RAPGEF6: variants seen among roughly 807,000 people sequenced by gnomAD.
RAPGEF6 encodes Rap guanine nucleotide exchange factor 6.
In RAPGEF6, 56 loss-of-function variants were observed where a neutral mutation model predicts 171.4. That is an observed-to-expected ratio of 0.33 (90% CI 0.26 to 0.41). RAPGEF6 has a LOEUF of 0.41. Among genes scored for constraint, RAPGEF6 ranks in the 10% least tolerant of loss-of-function variants. The probability of loss-of-function intolerance (pLI) is 1.00; values close to 1 mark genes in which losing one functional copy is unlikely to be tolerated. For missense variants in RAPGEF6, 1,674 were observed against 1,921.4 expected (o/e 0.87, Z 2.41); for synonymous variants, 692 against 650.1 (o/e 1.06, Z -0.98).
At chr5:131,545,894 G>T (rs1760491926) in intron 6 of RAPGEF6, among the ~76,000 whole-genome samples, 1 of 147,908 alleles carries the variant, frequency 6.8e-6, no homozygotes, top group Non-Finnish European at 1.5e-5. Flanking sequence ...GGATCACCAT[G>T]TAACACTAGG....
At chr5:131,507,548 C>A (rs1757448444) in intron 9 of RAPGEF6, among the ~76,000 whole-genome samples, 1 of 152,202 alleles carries the variant, frequency 6.6e-6, no homozygotes, top group African/African-American at 2.4e-5. Context: ...TTCCTCCACC[C>A]ATCCACAAGC....
At chr5:131,440,675 T>C (rs1292394073) in intron 23 of RAPGEF6, among the ~76,000 whole-genome samples, 2 of 142,390 alleles carry the variant, frequency 1.4e-5, no homozygotes, top group Non-Finnish European at 3.0e-5. Context: ...GAAACGGAGG[T>C]TTCAGTGAGC....
chr5:131,622,940 C>A (rs773939516), intron 1 of RAPGEF6, among the ~76,000 whole-genome samples: 1 of 152,166 alleles, frequency 6.6e-6, no homozygotes, highest in Non-Finnish European at 1.5e-5. Flanking sequence ...TGCAAGTGTA[C>A]ATTTGAAGAC....
At chr5:131,597,521 T>C (rs1463770345) in intron 3 of RAPGEF6, among the ~76,000 whole-genome samples, 2 of 152,112 alleles carry the variant, frequency 1.3e-5, no homozygotes, top group Non-Finnish European at 2.9e-5. Context: ...CATTCAGCCA[T>C]GAAAAGAATG....
At chr5:131,474,542 C>T (rs1390178754) in intron 16 of RAPGEF6, among the ~76,000 whole-genome samples, 1 of 151,974 alleles carries the variant, frequency 6.6e-6, no homozygotes, top group East Asian at 1.9e-4. Context: ...GAGGCAGGTC[C>T]GAGTAAAGGT....
chr5:131,561,303 T>A (rs1213856433), intron 5 of RAPGEF6, among the ~76,000 whole-genome samples: 7 of 152,280 alleles, frequency 4.6e-5, no homozygotes, highest in African/African-American at 1.7e-4. Context: ...TTCTCTCTAG[T>A]CTAGGGCACA....
At chr5:131,476,342 C>T (rs747888484) in intron 16 of RAPGEF6, among the ~76,000 whole-genome samples, 47 of 152,164 alleles carry the variant, frequency 3.1e-4, no homozygotes, top group Non-Finnish European at 6.3e-4. Context: ...TCCCAGCACT[C>T]TGTGAGGCTG....
At chr5:131,539,959 T>C (rs973232514) in intron 6 of RAPGEF6, among the ~76,000 whole-genome samples, 8 of 152,166 alleles carry the variant, frequency 5.3e-5, no homozygotes, top group African/African-American at 1.9e-4. Flanking sequence ...GGAAAGAAAA[T>C]ACATAAAGAT....
intron 23 of RAPGEF6, chr5:131,440,257 A>C (rs1452196551): frequency 2.2e-6 from 1 of 456,292 alleles, no homozygotes; most frequent in Middle Eastern, 3.3e-4. Context: ...CAACAGAAAA[A>C]ATCATGAATG....
At chr5:131,617,331 T>G (rs1765330755) in intron 1 of RAPGEF6, among the ~76,000 whole-genome samples, 1 of 152,204 alleles carries the variant, frequency 6.6e-6, no homozygotes, top group Non-Finnish European at 1.5e-5. Flanking sequence ...ATTTGGACTC[T>G]GGAGACAACC....
In RAPGEF6 at chr5:131,479,684, T is replaced by G; in HGVS notation, c.1910A>C (p.Glu637Ala). Residue 637 changes from glutamate to alanine, a missense_variant, in exon 16 of 28, where the codon GAA becomes GCA. By Grantham distance (107) the Glu-to-Ala change is moderately radical (BLOSUM62 -1). Transcript: ENST00000509018. ...GATAGAATGGCGATTACTTTTTTTT[T>G]CAGCAATTTTGGGAATATGAGGAAC... Reference protein sequence around the residue: ...SGVPHIPKIAEKKSNRHSIQH... With the variant: ...SGVPHIPKIAAKKSNRHSIQH... 1 of 1,614,068 alleles carries G rather than the reference T, an allele frequency of 6.2e-7. No individual in the cohort carries two copies. The highest frequency in any genetic ancestry group is 8.5e-7 in the Non-Finnish European group (1 of 1,179,974).
Position 131,430,894 on chromosome 5 carries a change from T to C in RAPGEF6, c.4430A>G (p.Lys1477Arg), listed in dbSNP as rs756171582. 6.2e-7 allele frequency: 1 copy of C among 1,608,484 alleles called. No homozygotes were observed. The highest frequency in any genetic ancestry group is 8.5e-7 in the Non-Finnish European group (1 of 1,178,244). Residue 1477 changes from lysine to arginine, a missense_variant, in exon 26 of 28, where the codon AAA (lysine) becomes AGA (arginine). By Grantham distance (26) the Lys-to-Arg change is conservative. This residue lies in a region of RAPGEF6 where 552 missense variants were observed against 574.2 expected (regional missense o/e 0.96). Coordinates refer to ENST00000509018, the MANE Select transcript of RAPGEF6 (RefSeq NM_016340.6). Reference protein sequence around the residue: ...DPKDATDPVYKTVTSSTEKGL... With the variant: ...DPKDATDPVYRTVTSSTEKGL... ...CTTTTCTGTACTTGAAGTGACAGTT[T>C]TATAAACTGGGTCAGTGGCATCCTT...
At chr5:131,530,383 C>A (rs1261048758) in intron 6 of RAPGEF6, among the ~76,000 whole-genome samples, 2 of 151,952 alleles carry the variant, frequency 1.3e-5, no homozygotes, top group African/African-American at 2.4e-5. Flanking sequence ...CTTCCCCAAC[C>A]CCCAGTAGAA....
intron 5 of RAPGEF6, among the ~76,000 whole-genome samples, chr5:131,559,946 C>T (rs905032666): frequency 6.6e-6 from 1 of 151,570 alleles, no homozygotes; most frequent in Non-Finnish European, 1.5e-5. Context: ...TGTTCAGTAA[C>T]AGACACTTCC....
chr5:131,541,585 G>C (rs1343314045), intron 6 of RAPGEF6, among the ~76,000 whole-genome samples: 1 of 150,286 alleles, frequency 6.7e-6, no homozygotes, highest in African/African-American at 2.5e-5. Context: ...TCAAACTCCT[G>C]GCTTCAGGTG....
chr5:131,620,692 G>A (rs1765546659), intron 1 of RAPGEF6, among the ~76,000 whole-genome samples: 1 of 151,832 alleles, frequency 6.6e-6, no homozygotes, highest in African/African-American at 2.4e-5. Flanking sequence ...CCAGGTTCAA[G>A]CAATTCTCAC....
At chr5:131,477,713 C>T (rs529968737) in intron 16 of RAPGEF6, among the ~76,000 whole-genome samples, 94 of 152,290 alleles carry the variant, frequency 6.2e-4, no homozygotes, top group South Asian at 2.7e-3. Context: ...GTTGTAATTA[C>T]AGTCTTGTCT....
At chr5:131,440,278 T>G in intron 23 of RAPGEF6, 1 of 455,750 alleles carries the variant, frequency 2.2e-6, no homozygotes, top group Non-Finnish European at 4.4e-6. Context: ...TATAGAAAAA[T>G]AGTATGCAGC....
At chr5:131,508,932 C>T (rs916710634) in intron 8 of RAPGEF6, among the ~76,000 whole-genome samples, 11 of 152,098 alleles carry the variant, frequency 7.2e-5, no homozygotes, top group African/African-American at 2.2e-4. Context: ...GTCGAGATAA[C>T]GTTCATAACA....
Sources: gnomAD v4.1 joint callset for allele counts (sites outside exome capture counted in the v4.1 genomes callset) on GRCh38, gnomAD v4.1.1 for gene constraint, gnomAD v4.1.1 regional missense constraint, MANE v1.5 for transcripts, NCBI Gene and HGNC (gene_info 2026-07-23, HGNC 2026-07-21) for gene names.